PRKCE: variants seen among roughly 807,000 people sequenced by gnomAD.
The protein encoded by PRKCE is protein kinase C epsilon type.
A neutral mutation model predicts 85.4 loss-of-function variants in PRKCE; 16 were observed. That is an observed-to-expected ratio of 0.19 (90% CI 0.13 to 0.28). The LOEUF is 0.28. PRKCE is among the 10% of genes least tolerant of loss of function. PRKCE has a pLI of 1.00. For synonymous variants in PRKCE, 388 were observed against 371.5 expected, an observed-to-expected ratio of 1.04 and a Z score of -0.51; for missense variants, 573 against 975.2, an observed-to-expected ratio of 0.59 and a Z score of 5.49.
At position 45,742,157 on chromosome 2, in the gene PRKCE, A is replaced by G. The variant is rs1573154262; in HGVS notation, c.348+89709A>G. Among the ~76,000 whole-genome samples the G allele has an allele frequency of 2.0e-5, 3 of 152,280 alleles. No individual in the cohort carries two copies. In the South Asian group the frequency reaches 6.2e-4, roughly 32 times the overall value. ...CACGGCAAAGAAAACAATCAACAAA[A>G]CGAAAAGGAAACCCACAGAATGGGA... On this transcript the variant is annotated intron_variant, in intron 1 of 14. Transcript: ENST00000306156.
At chr2:45,761,938 C>G (rs999678621) in intron 1 of PRKCE, among the ~76,000 whole-genome samples, 11 of 152,080 alleles carry the variant, frequency 7.2e-5, no homozygotes, top group African/African-American at 2.7e-4. Context: ...CCTTCAGGAC[C>G]ACCCAGCAAG....
intron 5 of PRKCE, 145 bp from the exon 6 acceptor site, chr2:45,984,406 C>T (rs1703146977): frequency 1.7e-6 from 2 of 1,153,458 alleles, no homozygotes; most frequent in East Asian, 4.7e-5. Context: ...CTTTTCACCT[C>T]AGGGCAGCTT....
rs1236426454 is a variant in PRKCE, at chr2:45,697,069, T to C, written c.348+44621T>C. ...GCAAACCTTTTTGTGACTACATTAA[T>C]GTCCATGGTAATATTAAAGATTATC... is the stretch of plus-strand genomic sequence containing the variant. On this transcript the variant is annotated intron_variant, in intron 1 of 14. Coordinates refer to ENST00000306156, the MANE Select transcript of PRKCE (RefSeq NM_005400.3). The surrounding 1 kb of genome is among the most constrained non-coding windows in gnomAD (Gnocchi z 4.2). Among the ~76,000 whole-genome samples the C allele has an allele frequency of 1.3e-5, 2 of 152,270 alleles. No homozygotes were observed. The highest frequency in any genetic ancestry group is 3.8e-4 in the East Asian group (2 of 5,204).
rs115928459 is a variant in PRKCE, at chr2:45,863,121, C to T, written c.412+20058C>T. 5.6e-3 allele frequency among the ~76,000 whole-genome samples: 846 copies of T among 152,154 alleles called. 8 individuals carry two copies. Among genetic ancestry groups the T allele is most frequent in the African/African-American group, 0.019 (805 of 41,482 alleles). Reference sequence around the variant, plus strand: ...AGTTTGTCCTGTTAGTGTGTGCTTGCGGTTCCTGGAAGTTGGGTATGCAGA... The same window carrying T: ...AGTTTGTCCTGTTAGTGTGTGCTTGTGGTTCCTGGAAGTTGGGTATGCAGA... On this transcript the variant is annotated intron_variant, in intron 2 of 14. Coordinates refer to ENST00000306156, the MANE Select transcript of PRKCE (RefSeq NM_005400.3).
intron 14 of PRKCE, among the ~76,000 whole-genome samples, chr2:46,181,933 C>T (rs2442084): frequency 0.041 from 6,195 of 152,236 alleles, 164 homozygotes; most frequent in Middle Eastern, 0.14. Flanking sequence ...CCTGCCTACA[C>T]GCCTTGTACA....
At chr2:45,665,388 G>T (rs747653178) in intron 1 of PRKCE, among the ~76,000 whole-genome samples, 27 of 152,118 alleles carry the variant, frequency 1.8e-4, no homozygotes, top group Admixed American at 1.0e-3. Flanking sequence ...TTAAAAAAAG[G>T]GTTAATAACA....
chr2:46,008,866 T>G (rs1705426478), intron 9 of PRKCE, among the ~76,000 whole-genome samples: 1 of 152,202 alleles, frequency 6.6e-6, no homozygotes, highest in Non-Finnish European at 1.5e-5. Flanking sequence ...TAGATGACTT[T>G]GGAGCATTTA....
intron 3 of PRKCE, 59 bp downstream of exon 3, chr2:45,976,647 T>C: frequency 6.4e-6 from 10 of 1,569,578 alleles, no homozygotes; most frequent in Non-Finnish European, 8.6e-6. Flanking sequence ...ATGTCGGGGA[T>C]GGGGTAGGGG....
At chr2:45,777,210 G>A (rs1485098197) in intron 1 of PRKCE, among the ~76,000 whole-genome samples, 1 of 152,160 alleles carries the variant, frequency 6.6e-6, no homozygotes, top group Admixed American at 6.5e-5. Flanking sequence ...AGGCAGAGTG[G>A]GACTGGGGGT....
At chr2:45,797,764 A>G (rs1266302274) in intron 1 of PRKCE, among the ~76,000 whole-genome samples, 2 of 152,140 alleles carry the variant, frequency 1.3e-5, no homozygotes, top group Non-Finnish European at 1.5e-5. Context: ...ATCTTTTTCA[A>G]TTGGGACTAC....
At chr2:45,946,679 G>C (rs1450467364) in intron 2 of PRKCE, among the ~76,000 whole-genome samples, 1 of 152,182 alleles carries the variant, frequency 6.6e-6, no homozygotes, top group East Asian at 1.9e-4. Context: ...TTAAAAGCCA[G>C]AGGAACCAGG....
At chr2:45,725,240 T>C (rs1680956670) in intron 1 of PRKCE, among the ~76,000 whole-genome samples, 2 of 152,354 alleles carry the variant, frequency 1.3e-5, no homozygotes, top group Admixed American at 6.5e-5. Context: ...CAGCATGGTT[T>C]ACTGAATATT....
intron 14 of PRKCE, among the ~76,000 whole-genome samples, chr2:46,177,236 C>T (rs1040730127): frequency 6.6e-6 from 1 of 152,102 alleles, no homozygotes; most frequent in Non-Finnish European, 1.5e-5. Context: ...GACAACACAG[C>T]GAGATTTCAT....
chr2:46,169,392 G>A (rs1307237087), intron 14 of PRKCE, among the ~76,000 whole-genome samples: 2 of 152,140 alleles, frequency 1.3e-5, no homozygotes, highest in Non-Finnish European at 1.5e-5. Flanking sequence ...GAGAAGGCCT[G>A]GCCACATAGC....
At chr2:46,115,411 A>G (rs1672670986) in intron 11 of PRKCE, among the ~76,000 whole-genome samples, 1 of 152,218 alleles carries the variant, frequency 6.6e-6, no homozygotes, top group African/African-American at 2.4e-5. Context: ...ATTCACAGTG[A>G]AAAATTTTCA....
intron 1 of PRKCE, among the ~76,000 whole-genome samples, chr2:45,824,574 C>A (rs955174108): frequency 3.3e-5 from 5 of 152,096 alleles, no homozygotes; most frequent in African/African-American, 1.2e-4. Flanking sequence ...CATTTCCTCC[C>A]TCCCTCCCTC....
At chr2:46,094,867 C>T (rs1670532289) in intron 11 of PRKCE, among the ~76,000 whole-genome samples, 1 of 151,328 alleles carries the variant, frequency 6.6e-6, no homozygotes, top group Admixed American at 6.6e-5. Flanking sequence ...TCTTCCAGCT[C>T]TCAGTGCTGC....
At chr2:46,178,935 A>G (rs1473940382) in intron 14 of PRKCE, among the ~76,000 whole-genome samples, 1 of 152,074 alleles carries the variant, frequency 6.6e-6, no homozygotes, top group Non-Finnish European at 1.5e-5. Context: ...GGAGTTACGG[A>G]AGTCATAAGA....
chr2:45,667,091 A>G lies in PRKCE; in HGVS notation c.348+14643A>G, dbSNP rs181687099. Among the ~76,000 whole-genome samples, 1,134 of 152,260 alleles carry G rather than the reference A, an allele frequency of 7.4e-3. 10 individuals are homozygous for G. The highest frequency in any genetic ancestry group is 0.012 in the Non-Finnish European group (788 of 68,018). ...TTTGGGAGGCCGGGGCGGGCGAATC[A>G]CCTGAGGTCAGGAGTTCGAGACCAG... On this transcript the variant is annotated intron_variant, in intron 1 of 14. Transcript: ENST00000306156.
Sources: gnomAD v4.1 joint callset for allele counts (sites outside exome capture counted in the v4.1 genomes callset) on GRCh38, gnomAD v4.1.1 for gene constraint, Gnocchi (gnomAD v3.1) non-coding constraint, MANE v1.5 for transcripts, NCBI Gene and HGNC (gene_info 2026-07-23, HGNC 2026-07-21) for gene names.